Variants in IKZF3 observed in about 807,000 individuals in gnomAD.
IKZF3 encodes zinc finger protein Aiolos.
In IKZF3, 10 loss-of-function variants were observed where a neutral mutation model predicts 49.0. The observed-to-expected ratio is 0.20, with a 90% CI of 0.13 to 0.35. IKZF3 has a LOEUF of 0.35. Ranked by LOEUF, IKZF3 falls within the 10% of genes least tolerant of loss-of-function variation. The pLI, the probability that IKZF3 is intolerant of heterozygous loss-of-function variation, is 1.00. For synonymous variants in IKZF3, 209 were observed against 228.2 expected (o/e 0.92, Z 0.76); for missense variants, 498 against 664.8 (o/e 0.75, Z 2.76).
intron 1 of IKZF3, among the ~76,000 whole-genome samples, chr17:39,844,397 A>C (rs555307358): frequency 6.6e-6 from 1 of 152,072 alleles, no homozygotes; most frequent in Non-Finnish European, 1.5e-5. Flanking sequence ...AGGCCTTTGC[A>C]TTTACCCTTC....
At chr17:39,798,956 T>C (rs2061245399) in intron 3 of IKZF3, among the ~76,000 whole-genome samples, 1 of 151,300 alleles carries the variant, frequency 6.6e-6, no homozygotes, top group Non-Finnish European at 1.5e-5. Context: ...ATATGTAAAC[T>C]AGCTGAGGGC....
At position 39,817,475 on chromosome 17, in the gene IKZF3, T is replaced by G. The variant is rs181672946; in HGVS notation, c.163+11912A>C. Among the ~76,000 whole-genome samples, 151 of 152,292 alleles carry G rather than the reference T, an allele frequency of 9.9e-4. 2 individuals are homozygous for G. Among genetic ancestry groups the G allele is most frequent in the African/African-American group, 3.4e-3 (142 of 41,542 alleles). ...TGGAGTCTTGCTATATTGCCCAGGC[T>G]GGAGTGCACTGGCTATTCATAGGTG... On this transcript the variant is annotated intron_variant, in intron 3 of 7. Transcript: ENST00000346872.
intron 3 of IKZF3, among the ~76,000 whole-genome samples, chr17:39,809,041 C>A (rs138421608): frequency 6.6e-6 from 1 of 152,118 alleles, no homozygotes. Context: ...CTTCTGTAGA[C>A]GCAGGTGCAG....
At chr17:39,843,279 G>A (rs934892376) in intron 1 of IKZF3, among the ~76,000 whole-genome samples, 4 of 152,148 alleles carry the variant, frequency 2.6e-5, no homozygotes, top group African/African-American at 9.7e-5. Context: ...TAAAGCATAG[G>A]ACAGGGATAG....
At chr17:39,851,247 T>C (rs2062866662) in intron 1 of IKZF3, among the ~76,000 whole-genome samples, 1 of 151,806 alleles carries the variant, frequency 6.6e-6, no homozygotes, top group African/African-American at 2.4e-5. Context: ...CAGGGTGGTC[T>C]TGAACTCCTG....
At chr17:39,847,527 G>A (rs1389042486) in intron 1 of IKZF3, among the ~76,000 whole-genome samples, 3 of 152,060 alleles carry the variant, frequency 2.0e-5, no homozygotes, top group African/African-American at 7.2e-5. Context: ...GTCTATTTCA[G>A]GTCCTAGTTC....
At chr17:39,777,968 CTT>C in intron 6 of IKZF3, 1 of 1,250,884 alleles carries the variant, frequency 8.0e-7, no homozygotes, top group Non-Finnish European at 1.0e-6. Flanking sequence ...ATCTTGCAGT[CTT>C]ATGCCGAGAT....
At chr17:39,767,038 A>G (rs2060312123) in intron 7 of IKZF3, among the ~76,000 whole-genome samples, 1 of 152,110 alleles carries the variant, frequency 6.6e-6, no homozygotes, top group Non-Finnish European at 1.5e-5. Flanking sequence ...AGATAGAGAA[A>G]ATAGCCCCCC....
chr17:39,823,880 G>A (rs1261683203), intron 3 of IKZF3, among the ~76,000 whole-genome samples: 2 of 152,188 alleles, frequency 1.3e-5, no homozygotes, highest in Non-Finnish European at 1.5e-5. Context: ...CCCTCATGGA[G>A]AACCTCTGCT....
chr17:39,838,877 A>G (rs1370241040), intron 1 of IKZF3, among the ~76,000 whole-genome samples: 1 of 152,126 alleles, frequency 6.6e-6, no homozygotes, highest in Non-Finnish European at 1.5e-5. Flanking sequence ...TCTGTGGCCC[A>G]GGCTTGAGTG....
intron 1 of IKZF3, among the ~76,000 whole-genome samples, chr17:39,856,793 C>T (rs573504065): frequency 2.6e-5 from 4 of 151,530 alleles, no homozygotes; most frequent in Admixed American, 6.6e-5. Context: ...GCAACAAGAG[C>T]GAGACTCCAT....
At position 39,765,062 on chromosome 17, in the gene IKZF3, A is replaced by G. The variant is rs913471733; in HGVS notation, c.*728T>C. 1 of 152,374 alleles carries G rather than the reference A, an allele frequency of 6.6e-6. No homozygotes were observed. The highest frequency in any genetic ancestry group is 2.4e-5 in the African/African-American group (1 of 41,450). 9.4% of individuals were successfully genotyped at this position (152,374 alleles called of 1,614,324 possible). A position where few individuals can be genotyped will look rare whatever the true frequency, so the allele number is the denominator to read the frequency against. On this transcript the variant is annotated 3_prime_UTR_variant, in exon 8 of 8. Transcript: ENST00000346872. ...TGGATAAATTTCTGGAGTTTCGATG[A>G]TGGTCTATATTTAAAACCATGAGTT...
chr17:39,784,969 G>A (rs992333821), intron 6 of IKZF3, among the ~76,000 whole-genome samples: 3 of 152,108 alleles, frequency 2.0e-5, no homozygotes, highest in African/African-American at 4.8e-5. Flanking sequence ...CTCACACTAC[G>A]CTGCACTTCA....
At chr17:39,812,052 T>C (rs1332382958) in intron 3 of IKZF3, among the ~76,000 whole-genome samples, 1 of 152,236 alleles carries the variant, frequency 6.6e-6, no homozygotes, top group Non-Finnish European at 1.5e-5. Flanking sequence ...GGTTTACAAT[T>C]GTGTCCAGTT....
At chr17:39,779,041 T>C (rs1030409077) in intron 6 of IKZF3, among the ~76,000 whole-genome samples, 1 of 152,256 alleles carries the variant, frequency 6.6e-6, no homozygotes, top group Non-Finnish European at 1.5e-5. Flanking sequence ...GATTTTAAAA[T>C]GCAGCCAGAA....
At chr17:39,789,663 G>A (rs1328101714) in intron 5 of IKZF3, among the ~76,000 whole-genome samples, 1 of 152,032 alleles carries the variant, frequency 6.6e-6, no homozygotes, top group East Asian at 1.9e-4. Flanking sequence ...GGGAGGTAGA[G>A]GTTGCAGTGA....
At chr17:39,809,926 A>G (rs915350288) in intron 3 of IKZF3, among the ~76,000 whole-genome samples, 9 of 152,258 alleles carry the variant, frequency 5.9e-5, no homozygotes, top group African/African-American at 2.2e-4. Context: ...ATGCCAGTGC[A>G]TATGAAACTA....
At chr17:39,845,592 A>G (rs2062607935) in intron 1 of IKZF3, among the ~76,000 whole-genome samples, 1 of 152,052 alleles carries the variant, frequency 6.6e-6, no homozygotes, top group Admixed American at 6.6e-5. Context: ...TATATTGTCT[A>G]TGGCTGCTTT....
At chr17:39,839,353 T>A (rs766339902) in intron 1 of IKZF3, 2 of 565,464 alleles carry the variant, frequency 3.5e-6, no homozygotes, top group Non-Finnish European at 6.5e-6. Flanking sequence ...ATGTGTGCCA[T>A]CTCATGTGCA....
Sources: allele counts gnomAD v4.1 joint callset (sites outside exome capture counted in the v4.1 genomes callset), GRCh38; gene constraint gnomAD v4.1.1; transcripts MANE v1.5; gene names NCBI Gene and HGNC (gene_info 2026-07-23, HGNC 2026-07-21).